PTPRG: variants seen among roughly 807,000 people sequenced by gnomAD.
The protein encoded by PTPRG is protein tyrosine phosphatase receptor type G.
Under a neutral mutation model 165.3 loss-of-function variants are expected in PTPRG, and 102 were observed. The observed-to-expected ratio is 0.62, with a 90% CI of 0.53 to 0.73. PTPRG has a LOEUF of 0.73. PTPRG is among the 30% of genes least tolerant of loss of function. The pLI, the probability that PTPRG is intolerant of heterozygous loss-of-function variation, is 0.00. For synonymous variants in PTPRG, 675 were observed against 669.5 expected (o/e 1.01, Z -0.13); for missense variants, 1,866 against 1,861.4 (o/e 1.00, Z -0.05).
intron 28 of PTPRG, among the ~76,000 whole-genome samples, chr3:62,288,098 C>T (rs1035359663): frequency 1.2e-4 from 17 of 147,510 alleles, no homozygotes; most frequent in African/African-American, 4.0e-4. Context: ...ATGATGAAGG[C>T]ACTGCATTTC....
At chr3:61,651,296 A>G (rs1286415119) in intron 1 of PTPRG, among the ~76,000 whole-genome samples, 2 of 151,996 alleles carry the variant, frequency 1.3e-5, no homozygotes, top group East Asian at 3.8e-4. Context: ...AGCAGAGGTA[A>G]TCTTATCCCT....
intron 1 of PTPRG, among the ~76,000 whole-genome samples, chr3:61,670,271 C>T (rs559039934): frequency 2.0e-5 from 3 of 152,108 alleles, no homozygotes; most frequent in Non-Finnish European, 4.4e-5. Context: ...TGACTTATCC[C>T]GAAAAATCAG....
intron 2 of PTPRG, among the ~76,000 whole-genome samples, chr3:61,947,944 T>A (rs2039804557): frequency 6.6e-6 from 1 of 152,132 alleles, no homozygotes; most frequent in East Asian, 1.9e-4. Context: ...GAATAGTTTC[T>A]TAAAAGGAAA....
chr3:61,672,086 A>G (rs563681692), intron 1 of PTPRG, among the ~76,000 whole-genome samples: 5,109 of 141,540 alleles, frequency 0.036, 152 homozygotes, highest in African/African-American at 0.097. Flanking sequence ...CGGACGGGGC[A>G]GCAGGGCAGA....
chr3:62,274,897 C>T (rs1390578982), intron 23 of PTPRG, among the ~76,000 whole-genome samples: 2 of 151,994 alleles, frequency 1.3e-5, no homozygotes, highest in Non-Finnish European at 2.9e-5. Flanking sequence ...CTGCCTTTTT[C>T]GTTTCTTCAA....
In PTPRG at chr3:62,176,328, G is replaced by A. The variant is rs190021520; in HGVS notation, c.1033+8165G>A. On this transcript the variant is annotated intron_variant, in intron 8 of 29. Coordinates refer to ENST00000474889, the MANE Select transcript of PTPRG (RefSeq NM_002841.4). ...CTCTTTAACAAGTGAGGTGTCTAAC[G>A]TTCAGAGAGGGTAAGTGAATCATCC... Among the ~76,000 whole-genome samples, 638 of 152,260 alleles carry A rather than the reference G, an allele frequency of 4.2e-3. 3 individuals are homozygous for A. The highest frequency in any genetic ancestry group is 9.9e-3 in the Admixed American group (151 of 15,308).
chr3:61,765,816 A>G lies in PTPRG; in HGVS notation c.190+16834A>G, dbSNP rs77321037. 1.3e-4 allele frequency among the ~76,000 whole-genome samples: 20 copies of G among 152,308 alleles called. No individual in the cohort carries two copies. The East Asian group carries it at 3.9e-3, about 29-fold the overall frequency. On this transcript the variant is annotated intron_variant, in intron 2 of 29. Transcript: ENST00000474889. ...AAGCAAAGCTACCTTGTGATGGGGT[A>G]TAAATGCATGTATATTTATCTACAC...
At chr3:61,929,131 G>T (rs2039297648) in intron 2 of PTPRG, among the ~76,000 whole-genome samples, 2 of 152,110 alleles carry the variant, frequency 1.3e-5, no homozygotes, top group South Asian at 2.1e-4. Flanking sequence ...CTGAGGTTTT[G>T]GTATTTAAAG....
intron 4 of PTPRG, among the ~76,000 whole-genome samples, chr3:62,020,076 A>G (rs2041651743): frequency 6.6e-6 from 1 of 152,186 alleles, no homozygotes; most frequent in African/African-American, 2.4e-5. Flanking sequence ...TCTGTTGATC[A>G]TAGAGTGATC....
chr3:62,005,860 G>C (rs907051543), intron 4 of PTPRG, among the ~76,000 whole-genome samples: 1 of 151,754 alleles, frequency 6.6e-6, no homozygotes, highest in African/African-American at 2.4e-5. Context: ...GTGCCACCAT[G>C]CCTGGCTAAT....
chr3:61,971,682 C>A (rs1404205140), intron 2 of PTPRG, among the ~76,000 whole-genome samples: 2 of 152,100 alleles, frequency 1.3e-5, no homozygotes, highest in African/African-American at 4.8e-5. Flanking sequence ...GTTAAAAATC[C>A]CTCTTCGGAT....
chr3:62,035,438 A>G (rs1699909382), intron 4 of PTPRG, among the ~76,000 whole-genome samples: 1 of 151,970 alleles, frequency 6.6e-6, no homozygotes, highest in Non-Finnish European at 1.5e-5. Flanking sequence ...ATAATGCATT[A>G]AAGTGTCAGT....
At chr3:61,937,379 C>T (rs1012293570) in intron 2 of PTPRG, among the ~76,000 whole-genome samples, 6 of 152,174 alleles carry the variant, frequency 3.9e-5, no homozygotes, top group Admixed American at 6.5e-5. Context: ...CAAGGTTCCT[C>T]GTGCTCTTTC....
intron 4 of PTPRG, among the ~76,000 whole-genome samples, chr3:62,055,636 G>A (rs1405270680): frequency 6.6e-6 from 1 of 152,210 alleles, no homozygotes; most frequent in Non-Finnish European, 1.5e-5. Flanking sequence ...CTGAGATCAA[G>A]ATGTCTGTAG....
At chr3:62,086,690 T>A (rs1253511851) in intron 5 of PTPRG, among the ~76,000 whole-genome samples, 2 of 152,216 alleles carry the variant, frequency 1.3e-5, no homozygotes, top group African/African-American at 2.4e-5. Context: ...GACTTTTTTT[T>A]AATCCACAAA....
Position 62,166,197 on chromosome 3 carries a change from CTTTTTTTTTTTTTTTTTTT to C in PTPRG, c.841-1756_841-1738del, listed in dbSNP as rs564761041. 4.8e-3 allele frequency among the ~76,000 whole-genome samples: 257 copies of C among 53,950 alleles called. 2 individuals carry two copies. Among genetic ancestry groups the C allele is most frequent in the African/African-American group, 0.017 (229 of 13,398 alleles). The allele number at this position is 53,950 out of a possible 152,430, so 35.4% of individuals were successfully genotyped here. ...TGGCTGCATATTTCAAATTACAGTT[CTTTTTTTTTTTTTTTTTTT>C]TTTTTTTTTTTTTTTTTGGTGACAA... On this transcript the variant is annotated intron_variant, in intron 7 of 29. Coordinates refer to ENST00000474889, the MANE Select transcript of PTPRG (RefSeq NM_002841.4).
At chr3:62,073,384 A>G (rs957544566) in intron 4 of PTPRG, among the ~76,000 whole-genome samples, 7 of 152,236 alleles carry the variant, frequency 4.6e-5, no homozygotes, top group South Asian at 2.1e-4. Flanking sequence ...GAGAAGCCCA[A>G]TAGATAGCAC....
intron 2 of PTPRG, among the ~76,000 whole-genome samples, chr3:61,904,264 C>T (rs956579808): frequency 3.3e-5 from 5 of 152,114 alleles, no homozygotes; most frequent in Admixed American, 1.3e-4. Context: ...AGTCTCCATC[C>T]AGAAGGAGCT....
chr3:61,671,138 CTT>C (rs11356444), intron 1 of PTPRG, among the ~76,000 whole-genome samples: 1,996 of 124,970 alleles, frequency 0.016, 36 homozygotes, highest in African/African-American at 0.048. Context: ...TATGAACTTT[CTT>C]TTTTTTTTTT....
Sources: gnomAD v4.1 joint callset for allele counts (sites outside exome capture counted in the v4.1 genomes callset) on GRCh38, gnomAD v4.1.1 for gene constraint, MANE v1.5 for transcripts, NCBI Gene and HGNC (gene_info 2026-07-23, HGNC 2026-07-21) for gene names.